HMBOX1: variants seen among roughly 807,000 people sequenced by gnomAD.
HMBOX1 encodes the protein homeobox containing 1.
Under a neutral mutation model 54.5 loss-of-function variants are expected in HMBOX1, and 14 were observed. That is an observed-to-expected ratio of 0.26 (90% CI 0.17 to 0.40). HMBOX1 has a LOEUF of 0.40. Among genes scored for constraint, HMBOX1 ranks in the 10% least tolerant of loss-of-function variants. The probability of loss-of-function intolerance (pLI) is 1.00; values close to 1 mark genes in which losing one functional copy is unlikely to be tolerated. For synonymous variants in HMBOX1, 160 were observed against 181.0 expected, an observed-to-expected ratio of 0.88 and a Z score of 0.93; for missense variants, 332 against 514.4, an observed-to-expected ratio of 0.65 and a Z score of 3.43.
At chr8:28,927,246 G>A (rs990946335) in intron 1 of HMBOX1, among the ~76,000 whole-genome samples, 6 of 152,050 alleles carry the variant, frequency 3.9e-5, no homozygotes, top group South Asian at 4.1e-4. Flanking sequence ...TCTTGTAACC[G>A]ATAAATGTAT....
At chr8:29,009,567 A>G in intron 5 of HMBOX1, 4 of 833,822 alleles carry the variant, frequency 4.8e-6, no homozygotes, top group Non-Finnish European at 4.3e-6. Flanking sequence ...TGAATTAGTA[A>G]TGTAAATTTA....
intron 4 of HMBOX1, among the ~76,000 whole-genome samples, chr8:28,980,523 A>G (rs1300660567): frequency 6.6e-6 from 1 of 152,206 alleles, no homozygotes; most frequent in East Asian, 1.9e-4. Context: ...ATCCCTGATT[A>G]TACCAGTTAA....
chr8:28,900,560 C>T (rs1417634864), intron 1 of HMBOX1, among the ~76,000 whole-genome samples: 5 of 151,900 alleles, frequency 3.3e-5, no homozygotes. Context: ...TTGCTTATGT[C>T]AGTAGATCGT....
At position 29,051,569 on chromosome 8, in the gene HMBOX1, C is replaced by G; in HGVS notation, c.*414C>G. On this transcript the variant is annotated 3_prime_UTR_variant, in exon 10 of 10. Transcript: ENST00000287701. Reference sequence around the variant, plus strand: ...TTCCCCAAGACTGATAGGATGCAAGCTGAGGTCGTGGCACAGGAATGACAG... The same window carrying G: ...TTCCCCAAGACTGATAGGATGCAAGGTGAGGTCGTGGCACAGGAATGACAG... 1 of 702,964 alleles carries G rather than the reference C, an allele frequency of 1.4e-6. No individual in the cohort carries two copies. Among genetic ancestry groups the G allele is most frequent in the Non-Finnish European group, 2.6e-6 (1 of 384,998 alleles). 43.5% of individuals were successfully genotyped at this position (702,964 alleles called of 1,614,324 possible). A position where few individuals can be genotyped will look rare whatever the true frequency, so the allele number is the denominator to read the frequency against.
chr8:29,018,578 T>G (rs1258418253), intron 5 of HMBOX1, among the ~76,000 whole-genome samples, 182 bp from the exon 6 acceptor site: 1 of 152,198 alleles, frequency 6.6e-6, no homozygotes, highest in East Asian at 1.9e-4. Context: ...ATCTGAGGTA[T>G]ATTGTTCAAA....
At chr8:28,971,086 CTTTT>C (rs146543031) in intron 3 of HMBOX1, among the ~76,000 whole-genome samples, 10 of 83,212 alleles carry the variant, frequency 1.2e-4, no homozygotes, top group African/African-American at 3.3e-4. Flanking sequence ...AAGAAATCTA[CTTTT>C]TTTTTTTTTT....
chr8:28,897,921 T>C (rs997581746), intron 1 of HMBOX1, among the ~76,000 whole-genome samples: 3 of 152,188 alleles, frequency 2.0e-5, no homozygotes, highest in African/African-American at 7.2e-5. Context: ...TTCAAAGATA[T>C]TTTCAGAAAA....
intron 6 of HMBOX1, 26 bp from the exon 7 acceptor site, chr8:29,045,335 T>C: frequency 6.3e-7 from 1 of 1,580,174 alleles, no homozygotes; most frequent in Non-Finnish European, 8.7e-7. Flanking sequence ...ATAAAAACTT[T>C]GTGTCTGTAT....
intron 1 of HMBOX1, among the ~76,000 whole-genome samples, chr8:28,953,630 C>G (rs1218418119): frequency 6.6e-6 from 1 of 151,006 alleles, no homozygotes; most frequent in African/African-American, 2.4e-5. Flanking sequence ...GTTTCTATGT[C>G]TAGTCTGGAT....
intron 6 of HMBOX1, among the ~76,000 whole-genome samples, chr8:29,037,884 C>A (rs1347052575): frequency 6.6e-6 from 1 of 152,096 alleles, no homozygotes; most frequent in African/African-American, 2.4e-5. Flanking sequence ...CCTTTCCTGC[C>A]CACTGCCCAG....
At chr8:28,925,880 CTT>C (rs1211211312) in intron 1 of HMBOX1, among the ~76,000 whole-genome samples, 1 of 152,124 alleles carries the variant, frequency 6.6e-6, no homozygotes, top group African/African-American at 2.4e-5. Flanking sequence ...CTTTTAGACA[CTT>C]GTGATAAATG....
chr8:28,999,596 A>G (rs1420391823), intron 4 of HMBOX1, among the ~76,000 whole-genome samples: 1 of 151,716 alleles, frequency 6.6e-6, no homozygotes, highest in African/African-American at 2.4e-5. Context: ...TTTGTTCCTT[A>G]TAATAGATCA....
chr8:28,977,200 G>C (rs992764132), intron 3 of HMBOX1, among the ~76,000 whole-genome samples: 2 of 152,012 alleles, frequency 1.3e-5, no homozygotes, highest in African/African-American at 2.4e-5. Flanking sequence ...TATCTCTTCT[G>C]TATGATTTAG....
intron 1 of HMBOX1, among the ~76,000 whole-genome samples, chr8:28,940,413 G>A (rs1379820824): frequency 1.3e-5 from 2 of 152,112 alleles, no homozygotes; most frequent in African/African-American, 4.8e-5. Flanking sequence ...CACATTATAT[G>A]CTCTCATAGC....
chr8:28,905,921 C>G (rs1814237502), intron 1 of HMBOX1, among the ~76,000 whole-genome samples: 2 of 152,176 alleles, frequency 1.3e-5, no homozygotes, highest in South Asian at 4.1e-4. Flanking sequence ...CATTTCCAAT[C>G]TTTGTATTAC....
intron 2 of HMBOX1, among the ~76,000 whole-genome samples, chr8:28,964,769 G>T (rs964389746): frequency 1.1e-4 from 14 of 130,140 alleles, no homozygotes; most frequent in African/African-American, 3.8e-4. Flanking sequence ...AAAGTTTCTG[G>T]AACAGACCTA....
intron 1 of HMBOX1, among the ~76,000 whole-genome samples, chr8:28,931,491 C>G (rs765749397): frequency 9.9e-5 from 15 of 151,872 alleles, no homozygotes; most frequent in Non-Finnish European, 2.1e-4. Flanking sequence ...CTTTCTTATC[C>G]CCCTTCTCAG....
chr8:28,905,646 TC>T (rs1190227407), intron 1 of HMBOX1, among the ~76,000 whole-genome samples: 3 of 152,220 alleles, frequency 2.0e-5, no homozygotes, highest in Non-Finnish European at 2.9e-5. Context: ...AGGTTTCGGT[TC>T]CTTTCATGAA....
intron 5 of HMBOX1, among the ~76,000 whole-genome samples, chr8:29,017,132 G>A (rs1310418661): frequency 1.3e-5 from 2 of 152,152 alleles, no homozygotes. Context: ...CTGGCACCTG[G>A]GTGGAGTTGG....
Sources: gnomAD v4.1 joint callset for allele counts (sites outside exome capture counted in the v4.1 genomes callset) on GRCh38, gnomAD v4.1.1 for gene constraint, MANE v1.5 for transcripts, NCBI Gene and HGNC (gene_info 2026-07-23, HGNC 2026-07-21) for gene names.